ANK2: variants seen among roughly 807,000 people sequenced by gnomAD.
The protein encoded by ANK2 is ankyrin-2.
A neutral mutation model predicts 360.5 loss-of-function variants in ANK2; 83 were observed. The observed-to-expected ratio is 0.23, with a 90% CI of 0.19 to 0.28. The LOEUF (loss-of-function observed/expected upper bound fraction) is 0.28. Among genes scored for constraint, ANK2 ranks in the 10% least tolerant of loss-of-function variants. ANK2 has a pLI of 1.00. For missense variants in ANK2, 4,201 were observed against 4,795.7 expected (o/e 0.88, Z 3.66); for synonymous variants, 1,740 against 1,759.5 (o/e 0.99, Z 0.28).
the ANK2 span, among the ~76,000 whole-genome samples, chr4:112,717,960 A>G: frequency 5.3e-5 from 8 of 152,230 alleles, no homozygotes; most frequent in Non-Finnish European, 1.2e-4. Flanking sequence ...ATCTGACAGT[A>G]CAAAATGTTT....
At chr4:112,836,194 T>TC (rs1398576698) in intron 1 of ANK2, among the ~76,000 whole-genome samples, 2 of 152,174 alleles carry the variant, frequency 1.3e-5, no homozygotes, top group Non-Finnish European at 2.9e-5. Flanking sequence ...TTGTGAGTTC[T>TC]CATGAGAGCT....
At chr4:113,038,926 C>T (rs1424808584) in intron 2 of ANK2, among the ~76,000 whole-genome samples, 6 of 152,034 alleles carry the variant, frequency 3.9e-5, no homozygotes, top group Non-Finnish European at 5.9e-5. Flanking sequence ...GCTGACACCA[C>T]ATGTATCAGA....
chr4:112,713,333 G>A, the ANK2 span, among the ~76,000 whole-genome samples: 344 of 152,110 alleles, frequency 2.3e-3, 3 homozygotes, highest in African/African-American at 7.9e-3. Context: ...ACTTTGGAAG[G>A]CCGAGGTGGG....
chr4:112,877,339 TTC>T (rs1397186865), intron 1 of ANK2, among the ~76,000 whole-genome samples: 2 of 152,050 alleles, frequency 1.3e-5, no homozygotes, highest in East Asian at 1.9e-4. Context: ...CCTACTGCCT[TTC>T]TCTCTCTCTC....
chr4:112,945,446 T>C (rs1195313266), intron 2 of ANK2, among the ~76,000 whole-genome samples: 1 of 152,166 alleles, frequency 6.6e-6, no homozygotes, highest in Non-Finnish European at 1.5e-5. Context: ...AGTGCCTCAT[T>C]ACAAAAATTA....
At chr4:113,130,621 A>G (rs973779523) in intron 1 of ANK2, among the ~76,000 whole-genome samples, 1 of 152,172 alleles carries the variant, frequency 6.6e-6, no homozygotes, top group Non-Finnish European at 1.5e-5. Context: ...TTGAGGTTTT[A>G]ATGTGCAGGA....
At chr4:113,308,261 G>A (rs1198746503) in intron 23 of ANK2, among the ~76,000 whole-genome samples, 3 of 152,260 alleles carry the variant, frequency 2.0e-5, no homozygotes, top group African/African-American at 7.2e-5. Context: ...GGAAGTAGTC[G>A]TGCTATTTGC....
At chr4:113,336,138 C>T in intron 30 of ANK2, 81 bp downstream of exon 30, 1 of 1,435,440 alleles carries the variant, frequency 7.0e-7, no homozygotes, top group South Asian at 1.2e-5. Flanking sequence ...GGACTGTTAC[C>T]TTTGTTTTAT....
At chr4:113,163,764 C>CAAAAAAAAAAAAAAAA (rs1158530849) in intron 1 of ANK2, among the ~76,000 whole-genome samples, 186 of 55,032 alleles carry the variant, frequency 3.4e-3, no homozygotes, top group Middle Eastern at 0.026. Context: ...AACTTCGTCT[C>CAAAAAAAAAAAAAAAA]AAAAAAAAAA....
intron 15 of ANK2, among the ~76,000 whole-genome samples, 191 bp downstream of exon 15, chr4:113,274,840 G>A (rs575693763): frequency 3.3e-5 from 5 of 152,284 alleles, no homozygotes; most frequent in African/African-American, 7.2e-5. Flanking sequence ...TCAATAAAGA[G>A]TGCTGAATTT....
At chr4:113,247,536 A>G (rs2043650821) in intron 9 of ANK2, among the ~76,000 whole-genome samples, 1 of 152,212 alleles carries the variant, frequency 6.6e-6, no homozygotes, top group South Asian at 2.1e-4. Flanking sequence ...GGATGTTTCA[A>G]CATGATTACA....
At chr4:113,373,639 T>C (rs769209231) in intron 45 of ANK2, 190 bp downstream of exon 45, 3 of 769,900 alleles carry the variant, frequency 3.9e-6, no homozygotes, top group Admixed American at 1.7e-5. Context: ...TCAGGGAGAC[T>C]TGTAGGCATT....
chr4:113,203,302 A>T (rs2098874640), intron 4 of ANK2, among the ~76,000 whole-genome samples: 1 of 152,140 alleles, frequency 6.6e-6, no homozygotes, highest in East Asian at 1.9e-4. Flanking sequence ...TCAAATTTCA[A>T]ATTCTATATT....
chr4:112,807,742 A>G, the ANK2 span, among the ~76,000 whole-genome samples: 3 of 152,198 alleles, frequency 2.0e-5, no homozygotes, highest in African/African-American at 7.2e-5. Context: ...AATGCTGAAA[A>G]TCCACTATTT....
chr4:112,843,878 C>T (rs181096614), intron 1 of ANK2, among the ~76,000 whole-genome samples: 4 of 152,158 alleles, frequency 2.6e-5, no homozygotes, highest in Non-Finnish European at 4.4e-5. Flanking sequence ...GTTTAATCTT[C>T]CTTCTACCTA....
the ANK2 span, chr4:112,798,793 G>C: frequency 6.6e-6 from 1 of 152,224 alleles, no homozygotes; most frequent in African/African-American, 2.4e-5. Flanking sequence ...CATTGTCTTG[G>C]CTTGTCCATG....
intron 4 of ANK2, among the ~76,000 whole-genome samples, chr4:113,228,989 C>T (rs1338617629): frequency 6.6e-6 from 1 of 152,170 alleles, no homozygotes; most frequent in Non-Finnish European, 1.5e-5. Flanking sequence ...ACCCAGTCCC[C>T]TTTCTACTCC....
At chr4:113,097,510 T>C (rs1442066077) in intron 1 of ANK2, among the ~76,000 whole-genome samples, 1 of 152,142 alleles carries the variant, frequency 6.6e-6, no homozygotes, top group Non-Finnish European at 1.5e-5. Flanking sequence ...AAGATTACTC[T>C]ATTTCCTAAA....
intron 4 of ANK2, among the ~76,000 whole-genome samples, chr4:113,229,747 G>A (rs771028581): frequency 1.3e-5 from 2 of 152,128 alleles, no homozygotes; most frequent in African/African-American, 4.8e-5. Context: ...GCCAGAGGAA[G>A]TCCCTCTAAA....
Sources: gnomAD v4.1 joint callset for allele counts (sites outside exome capture counted in the v4.1 genomes callset) on GRCh38, gnomAD v4.1.1 for gene constraint, MANE v1.5 for transcripts, NCBI Gene and HGNC (gene_info 2026-07-23, HGNC 2026-07-21) for gene names.